SND1: variants seen among roughly 807,000 people sequenced by gnomAD.
The protein encoded by SND1 is staphylococcal nuclease and tudor domain containing 1.
Under a neutral mutation model 121.7 loss-of-function variants are expected in SND1, and 38 were observed. That is an observed-to-expected ratio of 0.31 (90% confidence interval 0.24 to 0.41). SND1 has a LOEUF of 0.41. Ranked by LOEUF, SND1 falls within the 10% of genes least tolerant of loss-of-function variation. The pLI, the probability that SND1 is intolerant of heterozygous loss-of-function variation, is 1.00. For missense variants in SND1, 868 were observed against 1,184.6 expected, an observed-to-expected ratio of 0.73 and a Z score of 3.92; for synonymous variants, 401 against 447.4, an observed-to-expected ratio of 0.90 and a Z score of 1.31.
intron 10 of SND1, among the ~76,000 whole-genome samples, chr7:127,726,319 T>C (rs1796582379): frequency 6.6e-6 from 1 of 152,232 alleles, no homozygotes; most frequent in Non-Finnish European, 1.5e-5. Context: ...ATTTGTCTGA[T>C]GTTGACGGTG....
intron 12 of SND1, among the ~76,000 whole-genome samples, chr7:127,856,280 G>A (rs1584620976): frequency 6.6e-6 from 1 of 152,114 alleles, no homozygotes. Flanking sequence ...ACTTCCCTGG[G>A]TATGCTAGCT....
At chr7:127,872,963 A>C (rs1028989058) in intron 12 of SND1, among the ~76,000 whole-genome samples, 1 of 152,174 alleles carries the variant, frequency 6.6e-6, no homozygotes, top group Non-Finnish European at 1.5e-5. Context: ...CATTCTTAAG[A>C]GCACCTAAAT....
intron 17 of SND1, among the ~76,000 whole-genome samples, chr7:128,079,898 G>T (rs1311477224): frequency 1.3e-5 from 2 of 152,148 alleles, no homozygotes; most frequent in South Asian, 2.1e-4. Flanking sequence ...GGTTGGTGGT[G>T]TTTTCTCAGG....
intron 16 of SND1, among the ~76,000 whole-genome samples, chr7:128,046,558 G>A (rs2117014308): frequency 6.6e-6 from 1 of 151,690 alleles, no homozygotes; most frequent in South Asian, 2.1e-4. Context: ...GACATGGGGT[G>A]TCAGCATGTT....
chr7:127,762,566 G>A (rs1238484680), intron 10 of SND1, among the ~76,000 whole-genome samples: 1 of 152,190 alleles, frequency 6.6e-6, no homozygotes, highest in African/African-American at 2.4e-5. Flanking sequence ...CTTAGGGTTA[G>A]GTCTTCAACA....
chr7:127,766,796 AAAAAAT>A (rs1563006007), intron 10 of SND1, among the ~76,000 whole-genome samples: 2 of 149,038 alleles, frequency 1.3e-5, no homozygotes, highest in Non-Finnish European at 3.0e-5. Context: ...AAAAAAAAAA[AAAAAAT>A]AGTTTTTTTC....
chr7:127,869,718 A>G (rs989813648), intron 12 of SND1, among the ~76,000 whole-genome samples: 1 of 152,178 alleles, frequency 6.6e-6, no homozygotes, highest in African/African-American at 2.4e-5. Flanking sequence ...GTATAGTTCT[A>G]TGCCATTTTA....
chr7:127,909,888 G>A (rs1036956636), intron 14 of SND1, among the ~76,000 whole-genome samples: 17 of 152,200 alleles, frequency 1.1e-4, no homozygotes, highest in African/African-American at 3.9e-4. Context: ...GTGAAGGATT[G>A]AAGTGTTCCT....
At chr7:127,939,868 C>CT (rs933752791) in intron 15 of SND1, among the ~76,000 whole-genome samples, 40 of 152,298 alleles carry the variant, frequency 2.6e-4, no homozygotes, top group African/African-American at 9.6e-4. Flanking sequence ...CCTGAATTCT[C>CT]TGACTAGTGT....
intron 12 of SND1, among the ~76,000 whole-genome samples, chr7:127,851,600 A>G (rs1458205437): frequency 6.6e-6 from 1 of 152,186 alleles, no homozygotes; most frequent in Non-Finnish European, 1.5e-5. Context: ...TAGTTCATTT[A>G]TCAAGTATTA....
chr7:127,956,651 T>A (rs1801600097), intron 15 of SND1, among the ~76,000 whole-genome samples: 1 of 152,136 alleles, frequency 6.6e-6, no homozygotes, highest in African/African-American at 2.4e-5. Flanking sequence ...TACTGCTGAG[T>A]TCTAAGAACA....
At chr7:127,825,411 C>CTT (rs746245449) in intron 11 of SND1, among the ~76,000 whole-genome samples, 1 of 139,198 alleles carries the variant, frequency 7.2e-6, no homozygotes. Flanking sequence ...TCCTGGCCAC[C>CTT]TTTTTTTTTT....
At chr7:127,732,710 G>C (rs1042448151) in intron 10 of SND1, among the ~76,000 whole-genome samples, 6 of 152,200 alleles carry the variant, frequency 3.9e-5, no homozygotes, top group African/African-American at 1.4e-4. Context: ...AACTACATTT[G>C]TACAGTTTAA....
intron 10 of SND1, among the ~76,000 whole-genome samples, chr7:127,787,281 T>TTA (rs1445178633): frequency 2.6e-5 from 4 of 152,124 alleles, no homozygotes. Context: ...GTTACCCAGG[T>TTA]TATAGTACAG....
At chr7:127,709,753 TC>T (rs1796266197) in intron 9 of SND1, among the ~76,000 whole-genome samples, 1 of 152,196 alleles carries the variant, frequency 6.6e-6, no homozygotes, top group South Asian at 2.1e-4. Context: ...CTAGAAATCA[TC>T]TGATGGAGAA....
At chr7:127,967,289 C>A (rs980890763) in intron 15 of SND1, among the ~76,000 whole-genome samples, 1 of 152,110 alleles carries the variant, frequency 6.6e-6, no homozygotes, top group Non-Finnish European at 1.5e-5. Flanking sequence ...GACATGGAAT[C>A]CAGAGAGAAA....
At chr7:127,888,310 T>C (rs1333742927) in intron 13 of SND1, among the ~76,000 whole-genome samples, 1 of 152,082 alleles carries the variant, frequency 6.6e-6, no homozygotes, top group East Asian at 1.9e-4. Flanking sequence ...AGGAGATATG[T>C]TTATCATCAT....
chr7:127,939,448 A>T (rs1419811752), intron 15 of SND1, among the ~76,000 whole-genome samples: 2 of 152,174 alleles, frequency 1.3e-5, no homozygotes, highest in Admixed American at 6.5e-5. Context: ...TAAAAATAAG[A>T]TTTGTTTGGC....
intron 9 of SND1, 100 bp from the exon 10 acceptor site, chr7:127,721,187 A>G: frequency 2.9e-6 from 2 of 689,950 alleles, no homozygotes; most frequent in South Asian, 1.6e-5. Context: ...ACAAATGGCT[A>G]TTGATCTCAC....
Sources: gnomAD v4.1 joint callset for allele counts (sites outside exome capture counted in the v4.1 genomes callset) on GRCh38, gnomAD v4.1.1 for gene constraint, MANE v1.5 for transcripts, NCBI Gene and HGNC (gene_info 2026-07-23, HGNC 2026-07-21) for gene names.